Variants in GLCCI1 observed in about 807,000 individuals in gnomAD.
GLCCI1 encodes glucocorticoid induced 1, also known as glucocorticoid-induced transcript 1 protein.
Under a neutral mutation model 52.2 loss-of-function variants are expected in GLCCI1, and 24 were observed. The ratio of observed to expected loss-of-function variants is 0.46; its 90% CI spans 0.33 to 0.65. GLCCI1 has a LOEUF of 0.65. Ranked by LOEUF, GLCCI1 falls within the 30% of genes least tolerant of loss-of-function variation. The pLI is 0.02. For missense variants in GLCCI1, 704 were observed against 701.5 expected (o/e 1.00, Z -0.04); for synonymous variants, 310 against 276.5 (o/e 1.12, Z -1.20).
At chr7:8,023,782 A>T in intron 3 of GLCCI1, among the ~76,000 whole-genome samples, 1 of 151,484 alleles carries the variant, frequency 6.6e-6, no homozygotes, top group East Asian at 1.9e-4. Context: ...TATTTTTAGT[A>T]GAGATGGGGT....
chr7:7,993,496 G>A (rs1780884146), intron 1 of GLCCI1, among the ~76,000 whole-genome samples: 1 of 152,122 alleles, frequency 6.6e-6, no homozygotes. Flanking sequence ...TTGAGTTGAT[G>A]TCCTCTTGCT....
At chr7:8,079,787 C>A (rs1033622298) in intron 6 of GLCCI1, among the ~76,000 whole-genome samples, 1 of 151,172 alleles carries the variant, frequency 6.6e-6, no homozygotes, top group Non-Finnish European at 1.5e-5. Context: ...ATTAATGGGC[C>A]TTGGAATGTA....
At chr7:8,000,930 GTC>G (rs910095322) in intron 1 of GLCCI1, among the ~76,000 whole-genome samples, 18 of 152,048 alleles carry the variant, frequency 1.2e-4, no homozygotes, top group Non-Finnish European at 2.1e-4. Context: ...GCCTATGTGT[GTC>G]TCTGCATGTG....
intron 3 of GLCCI1, among the ~76,000 whole-genome samples, chr7:8,042,570 T>C (rs1159377357): frequency 6.6e-6 from 1 of 152,174 alleles, no homozygotes; most frequent in Non-Finnish European, 1.5e-5. Flanking sequence ...CCCAACACTT[T>C]GAGGCTGAGA....
In GLCCI1 at chr7:7,969,451, T is replaced by C. The variant is rs1208812413; in HGVS notation, c.101T>C (p.Val34Ala). 33 of 1,179,194 alleles carry C rather than the reference T, an allele frequency of 2.8e-5. No individual in the cohort carries two copies. Among genetic ancestry groups the C allele is most frequent in the Admixed American group, 4.3e-5 (1 of 23,006 alleles). The allele number at this position is 1,179,194 out of a possible 1,614,324, so 73.0% of individuals were successfully genotyped here. A position where few individuals can be genotyped will look rare whatever the true frequency, so the allele number is the denominator to read the frequency against. The change falls in exon 1 of 8, where the codon GTC becomes GCC. Residue 34 changes from valine to alanine, a missense_variant. Physicochemically the swap from Val to Ala is moderately conservative, Grantham distance 64. Around this residue, in one of 3 missense-constraint regions of GLCCI1, gnomAD observed 547 missense variants for 524.8 expected, o/e 1.04. Transcript: ENST00000223145. This position sits in a 1 kb window ranked among gnomAD's most constrained non-coding sequence, Gnocchi z 4.9. Reference protein sequence around the residue: ...RRSAAGSPPAVAAAGSGNGAG... With the variant: ...RRSAAGSPPAAAAAGSGNGAG... ...AGCGCCGCGGGGTCCCCGCCCGCCG[T>C]CGCCGCCGCCGGGAGCGGGAACGGT...
At chr7:8,001,962 G>T (rs1264871693) in intron 1 of GLCCI1, among the ~76,000 whole-genome samples, 1 of 152,176 alleles carries the variant, frequency 6.6e-6, no homozygotes, top group African/African-American at 2.4e-5. Context: ...GGGGAGCTGG[G>T]AGAGGGATAG....
rs35831242 is a variant in GLCCI1 at position 8,028,726 on chromosome 7, G to GA, written c.696+6166dup. On this transcript the variant is annotated intron_variant, in intron 3 of 7. Transcript: ENST00000223145. ...ACAAACCTGTAGCCAAGGTAACCAA[G>GA]AAAAAAAAAGAATACCCAAATAAAT... is the stretch of plus-strand genomic sequence containing the variant. Among the ~76,000 whole-genome samples, 49 of 149,680 alleles carry GA rather than the reference G, an allele frequency of 3.3e-4. No individual in the cohort carries two copies. The East Asian group carries it at 7.8e-3, about 24-fold the overall frequency.
intron 1 of GLCCI1, among the ~76,000 whole-genome samples, chr7:7,976,958 C>G (rs1780485651): frequency 6.6e-6 from 1 of 151,680 alleles, no homozygotes; most frequent in Non-Finnish European, 1.5e-5. Flanking sequence ...CACCAACCAT[C>G]TAGATGTGTT....
intron 6 of GLCCI1, among the ~76,000 whole-genome samples, chr7:8,076,957 T>C (rs1310307266): frequency 2.0e-5 from 3 of 152,224 alleles, no homozygotes; most frequent in Non-Finnish European, 4.4e-5. Context: ...TTTTAATGTT[T>C]ATGAAGAGTG....
At chr7:8,072,539 C>G (rs1025090439) in intron 6 of GLCCI1, among the ~76,000 whole-genome samples, 2 of 152,160 alleles carry the variant, frequency 1.3e-5, no homozygotes, top group Admixed American at 6.5e-5. Context: ...CACCTTTAAT[C>G]ACTTCCTCAC....
intron 4 of GLCCI1, among the ~76,000 whole-genome samples, chr7:8,055,994 A>AC (rs1379137986): frequency 9.0e-6 from 1 of 110,718 alleles, no homozygotes; most frequent in Admixed American, 1.0e-4. Context: ...CTCCGTCTCA[A>AC]AAAAAAAAAA....
intron 3 of GLCCI1, among the ~76,000 whole-genome samples, chr7:8,045,919 A>G (rs1782113057): frequency 1.3e-5 from 2 of 151,820 alleles, no homozygotes. Context: ...CATATTAAGT[A>G]GCCTCATTTA....
At chr7:8,035,311 ACAGGGTTC>A (rs1781842235) in intron 3 of GLCCI1, among the ~76,000 whole-genome samples, 1 of 152,212 alleles carries the variant, frequency 6.6e-6, no homozygotes, top group Non-Finnish European at 1.5e-5. Context: ...CAAGGGAGGA[ACAGGGTTC>A]CATCCCAGCA....
At chr7:8,085,220 C>A (rs892539568) in intron 7 of GLCCI1, among the ~76,000 whole-genome samples, 3 of 152,156 alleles carry the variant, frequency 2.0e-5, no homozygotes, top group Non-Finnish European at 2.9e-5. Flanking sequence ...TAAGCCAGTA[C>A]AAAGACACGT....
At chr7:8,032,629 G>A (rs1187222692) in intron 3 of GLCCI1, among the ~76,000 whole-genome samples, 2 of 151,884 alleles carry the variant, frequency 1.3e-5, no homozygotes, top group Non-Finnish European at 2.9e-5. Flanking sequence ...TGCCATCAAC[G>A]TAGAAAACTG....
intron 6 of GLCCI1, among the ~76,000 whole-genome samples, chr7:8,074,440 T>C (rs1313534244): frequency 6.6e-6 from 1 of 152,110 alleles, no homozygotes; most frequent in Non-Finnish European, 1.5e-5. Context: ...TCCCAGCATT[T>C]TGGGAGGTCA....
At chr7:7,973,940 T>C (rs1204430663) in intron 1 of GLCCI1, among the ~76,000 whole-genome samples, 1 of 152,132 alleles carries the variant, frequency 6.6e-6, no homozygotes, top group African/African-American at 2.4e-5. Flanking sequence ...TACTCAGATA[T>C]TCTCTTTCTA....
At position 8,086,394 on chromosome 7, in the gene GLCCI1, G is replaced by C. The variant is rs1254934132; in HGVS notation, c.1500G>C (p.Arg500=). Residue 500 remains arginine (R), a synonymous_variant, in exon 8 of 8, where the codon CGG becomes CGC. Transcript: ENST00000223145. This position sits in a 1 kb window ranked among gnomAD's most constrained non-coding sequence, Gnocchi z 4.4. ...ATLTVEQLSS[R]VSFTSLSDDT... ...TGACCGTTGAGCAGCTCTCATCCCG[G>C]GTTTCCTTTACGTCTCTTTCTGATG... 1.2e-6 allele frequency: 2 copies of C among 1,614,068 alleles called. No individual in the cohort carries two copies. Among genetic ancestry groups the C allele is most frequent in the African/African-American group, 1.3e-5 (1 of 74,996 alleles).
chr7:8,069,372 G>A (rs1379979547), intron 5 of GLCCI1, among the ~76,000 whole-genome samples: 2 of 152,142 alleles, frequency 1.3e-5, no homozygotes, highest in African/African-American at 4.8e-5. Flanking sequence ...AAAGCACTCT[G>A]GGTCTTTGCT....
Sources: gnomAD v4.1 joint callset for allele counts (sites outside exome capture counted in the v4.1 genomes callset) on GRCh38, gnomAD v4.1.1 for gene constraint, gnomAD v4.1.1 regional missense constraint, Gnocchi (gnomAD v3.1) non-coding constraint, MANE v1.5 for transcripts, NCBI Gene and HGNC (gene_info 2026-07-23, HGNC 2026-07-21) for gene names.